Variants in SLC38A11 observed in about 807,000 individuals in gnomAD.
SLC38A11 encodes the protein putative sodium-coupled neutral amino acid transporter 11.
SLC38A11 carries 51 observed loss-of-function variants against 49.4 expected under a neutral mutation model. That is an observed-to-expected ratio of 1.03 (90% CI 0.83 to 1.30). The LOEUF (loss-of-function observed/expected upper bound fraction) is 1.30, where lower values mean the gene tolerates loss of function less well. Among genes scored for constraint, SLC38A11 ranks in the 50% most tolerant of loss-of-function variants. The pLI is 0.00. For missense variants in SLC38A11, 574 were observed against 556.2 expected (o/e 1.03, Z -0.32); for synonymous variants, 203 against 192.9 (o/e 1.05, Z -0.43).
rs765350300 is a variant in SLC38A11 at position 164,898,319 on chromosome 2, CAA to C, written c.*116_*117del. The C allele has an allele frequency of 2.6e-6, 2 of 770,300 alleles. No individual in the cohort carries two copies. Among genetic ancestry groups the C allele is most frequent in the African/African-American group, 1.8e-5 (1 of 56,458 alleles). 47.7% of individuals were successfully genotyped at this position (770,300 alleles called of 1,614,324 possible). Reference sequence around the variant, plus strand: ...TTTATATTGCACTACTCATAAAAGCCAAGTCTTGATAAAAGCCAAAATAATAA... The same window carrying C: ...TTTATATTGCACTACTCATAAAAGCCGTCTTGATAAAAGCCAAAATAATAA... On this transcript the variant is annotated 3_prime_UTR_variant, in exon 12 of 12. Transcript: ENST00000685975.
At chr2:164,935,414 T>A (rs1687295966) in intron 7 of SLC38A11, among the ~76,000 whole-genome samples, 1 of 150,200 alleles carries the variant, frequency 6.7e-6, no homozygotes, top group African/African-American at 2.4e-5. Flanking sequence ...TTACACCTGT[T>A]AATCCCAGCA....
intron 6 of SLC38A11, among the ~76,000 whole-genome samples, chr2:164,939,041 A>G (rs1687566628): frequency 6.6e-6 from 1 of 152,150 alleles, no homozygotes; most frequent in African/African-American, 2.4e-5. Flanking sequence ...CACAATAGAC[A>G]TTGTAATTTA....
At chr2:164,902,982 A>G in intron 11 of SLC38A11, among the ~76,000 whole-genome samples, 1 of 152,202 alleles carries the variant, frequency 6.6e-6, no homozygotes, top group East Asian at 1.9e-4. Context: ...TACACAAAAA[A>G]TAAAAGATTA....
At chr2:164,944,478 A>G in intron 5 of SLC38A11, 91 bp downstream of exon 5, 1 of 533,282 alleles carries the variant, frequency 1.9e-6, no homozygotes, top group Non-Finnish European at 2.9e-6. Flanking sequence ...TCACTTTCAA[A>G]TTTTTTATTT....
At chr2:164,923,546 A>G (rs1306316891) in intron 7 of SLC38A11, among the ~76,000 whole-genome samples, 1 of 152,126 alleles carries the variant, frequency 6.6e-6, no homozygotes, top group Admixed American at 6.6e-5. Flanking sequence ...ACTAGTAGAA[A>G]TAGCGATAAT....
intron 11 of SLC38A11, 44 bp downstream of exon 11, chr2:164,908,596 A>G: frequency 1.4e-6 from 2 of 1,454,430 alleles, no homozygotes; most frequent in Non-Finnish European, 1.8e-6. Flanking sequence ...TTATCTTTTA[A>G]AGAGAATTTT....
chr2:164,917,439 ATTGTTATAAGAC>A (rs1685875242), intron 7 of SLC38A11, among the ~76,000 whole-genome samples: 1 of 152,164 alleles, frequency 6.6e-6, no homozygotes, highest in Non-Finnish European at 1.5e-5. Context: ...GAGGCCACAG[ATTGTTATAAGAC>A]TTGCTCCAAT....
intron 7 of SLC38A11, among the ~76,000 whole-genome samples, chr2:164,926,914 A>T (rs1441719512): frequency 6.6e-6 from 1 of 150,994 alleles, no homozygotes; most frequent in Non-Finnish European, 1.5e-5. Context: ...CCTAATGTAA[A>T]TGACGAGTTA....
chr2:164,908,829 A>T, intron 10 of SLC38A11, 58 bp from the exon 11 acceptor site: 2 of 1,536,274 alleles, frequency 1.3e-6, no homozygotes. Flanking sequence ...GGATTTATTG[A>T]GGGAGTATTT....
chr2:164,901,448 T>C (rs1343757572), intron 11 of SLC38A11, among the ~76,000 whole-genome samples: 1 of 152,128 alleles, frequency 6.6e-6, no homozygotes, highest in Non-Finnish European at 1.5e-5. Context: ...TCAGCAAGAT[T>C]TTATAGTTTT....
intron 11 of SLC38A11, 133 bp downstream of exon 11, chr2:164,908,507 C>A (rs1271031553): frequency 6.6e-6 from 5 of 760,646 alleles, no homozygotes; most frequent in Non-Finnish European, 9.7e-6. Context: ...AAAATATTTA[C>A]TATTACAAAC....
At chr2:164,902,670 A>C (rs564019627) in intron 11 of SLC38A11, among the ~76,000 whole-genome samples, 1 of 152,158 alleles carries the variant, frequency 6.6e-6, no homozygotes, top group Non-Finnish European at 1.5e-5. Flanking sequence ...AAATAGCTTT[A>C]AAATAAATAT....
At chr2:164,900,431 T>A (rs1346392560) in intron 11 of SLC38A11, among the ~76,000 whole-genome samples, 6 of 152,142 alleles carry the variant, frequency 3.9e-5, no homozygotes, top group Non-Finnish European at 7.4e-5. Flanking sequence ...TGTACTAGGG[T>A]TCCCTTTTCT....
chr2:164,924,245 A>C (rs1049170259), intron 7 of SLC38A11, among the ~76,000 whole-genome samples: 8 of 152,194 alleles, frequency 5.3e-5, no homozygotes, highest in Admixed American at 2.6e-4. Flanking sequence ...ATGTTCTCAC[A>C]TATAAGTAGG....
chr2:164,921,678 T>C (rs1686215949), intron 7 of SLC38A11, among the ~76,000 whole-genome samples: 1 of 152,076 alleles, frequency 6.6e-6, no homozygotes, highest in Admixed American at 6.6e-5. Flanking sequence ...TAAATGCACA[T>C]AAAAGTAACA....
chr2:164,897,141 A>C lies in SLC38A11; in HGVS notation c.*1296T>G, dbSNP rs1684391404. On this transcript the variant is annotated 3_prime_UTR_variant, in exon 12 of 12. Coordinates refer to ENST00000685975, the MANE Select transcript of SLC38A11 (RefSeq NM_001351537.2). ...CAAAGACACAAAGTCCTCATTAAAA[A>C]ATCATTTAAAAATCCTCAGTAAACC... The C allele has an allele frequency of 1.3e-5, 2 of 152,156 alleles. No individual in the cohort carries two copies. The highest frequency in any genetic ancestry group is 1.3e-4 in the Admixed American group (2 of 15,254). The allele number at this position is 152,156 out of a possible 1,614,324, so 9.4% of individuals were successfully genotyped here. A position where few individuals can be genotyped will look rare whatever the true frequency, so the allele number is the denominator to read the frequency against.
chr2:164,946,564 CAAAAA>C (rs34775521), intron 3 of SLC38A11, among the ~76,000 whole-genome samples: 3 of 106,618 alleles, frequency 2.8e-5, no homozygotes, highest in Admixed American at 2.0e-4. Context: ...GACTCCCTCT[CAAAAA>C]AAAAAAAAAA....
At chr2:164,937,644 G>A in intron 6 of SLC38A11, 1 of 434,696 alleles carries the variant, frequency 2.3e-6, no homozygotes, top group East Asian at 4.1e-5. Flanking sequence ...CCAAGTAGGT[G>A]AGCAAGTATT....
intron 7 of SLC38A11, among the ~76,000 whole-genome samples, chr2:164,931,285 G>GA (rs796863489): frequency 1.0e-4 from 14 of 135,836 alleles, no homozygotes; most frequent in East Asian, 2.1e-4. Context: ...CAAACAAATG[G>GA]AAAAAAAAAA....
Sources: gnomAD v4.1 joint callset for allele counts (sites outside exome capture counted in the v4.1 genomes callset) on GRCh38, gnomAD v4.1.1 for gene constraint, MANE v1.5 for transcripts, NCBI Gene and HGNC (gene_info 2026-07-23, HGNC 2026-07-21) for gene names.